OR56A4: variants seen among roughly 807,000 people sequenced by gnomAD.
OR56A4 encodes olfactory receptor family 56 subfamily A member 4, also known as olfactory receptor 56A4.
In OR56A4, 9 loss-of-function variants were observed where a neutral mutation model predicts 13.6. The observed-to-expected ratio is 0.66, with a 90% CI of 0.40 to 1.15. The LOEUF (loss-of-function observed/expected upper bound fraction) is 1.15, where lower values mean the gene tolerates loss of function less well. OR56A4 is among the 50% of genes most tolerant of loss of function. OR56A4 has a pLI of 0.01. For missense variants in OR56A4, 380 were observed against 375.9 expected, an observed-to-expected ratio of 1.01 and a Z score of -0.09; for synonymous variants, 167 against 153.9, an observed-to-expected ratio of 1.08 and a Z score of -0.63.
At position 6,002,384 on chromosome 11, in the gene OR56A4, A is replaced by G; in HGVS notation, c.609T>C (p.Phe203=). The G allele has an allele frequency of 6.2e-7, 1 of 1,614,242 alleles. No individual in the cohort carries two copies. The change falls in exon 3 of 3, where the codon TTT becomes TTC. Residue 203 remains phenylalanine, a synonymous_variant. Coordinates refer to ENST00000641156, the MANE Select transcript of OR56A4 (RefSeq NM_001005179.4). The part of the protein sequence containing the change: ...DDITFNQLYQ[F]VAGWTLLGSD... ...AGCCCAACAGAGTCCAGCCTGCCAC[A>G]AACTGGTAGAGCTGATTGAAAGTGA...
intron 2 of OR56A4, among the ~76,000 whole-genome samples, chr11:6,004,296 G>T (rs1848240491): frequency 6.6e-6 from 1 of 152,148 alleles, no homozygotes; most frequent in South Asian, 2.1e-4. Context: ...GGAGGTTGCA[G>T]TGAGCCGAGA....
Position 6,002,706 on chromosome 11 carries a change from C to G in OR56A4, c.287G>C (p.Ser96Thr). Residue 96 changes from serine (S) to threonine (T), a missense_variant, in exon 3 of 3, where the codon AGC (serine) becomes ACC (threonine). Transcript: ENST00000641156. ...CATCTGGAGGAAGCAGGCTGGGAAG[C>G]TGATCGACCTGAGGTCAAACCAGAA... ...AIFWFDLRSI[S>T]FPACFLQMFI... The G allele has an allele frequency of 6.2e-7, 1 of 1,614,208 alleles. No homozygotes were observed. The highest frequency in any genetic ancestry group is 8.5e-7 in the Non-Finnish European group (1 of 1,180,044).
chr11:6,005,524 T>A (rs916695362), intron 2 of OR56A4, among the ~76,000 whole-genome samples: 2 of 152,160 alleles, frequency 1.3e-5, no homozygotes, highest in Non-Finnish European at 2.9e-5. Flanking sequence ...TTGTAGGAAA[T>A]CACAGAATAT....
In OR56A4 at chr11:6,002,746, T is replaced by C. The variant is rs1848225547; in HGVS notation, c.247A>G (p.Lys83Glu). ...TCAAACCAGAAGATGGCCAGGACCT[T>C]GGGGATGACGGTGAGGCAGAGCACG... ...DIVLCLTVIPKVLAIFWFDLR... is the reference protein window; with the variant it reads ...DIVLCLTVIPEVLAIFWFDLR... Residue 83 changes from lysine (K) to glutamate (E), a missense_variant, in exon 3 of 3, where the codon AAG becomes GAG. Lys to Glu is a moderately conservative substitution (Grantham distance 56, BLOSUM62 1). Transcript: ENST00000641156. The C allele has an allele frequency of 6.2e-7, 1 of 1,613,934 alleles. No homozygotes were observed. Among genetic ancestry groups the C allele is most frequent in the African/African-American group, 1.3e-5 (1 of 74,886 alleles).
rs1848229143 is a variant in OR56A4 at position 6,002,972 on chromosome 11, G to A, written c.21C>T (p.Asp7=). The change falls in exon 3 of 3, where the codon GAC becomes GAT. Residue 7 remains aspartate (D), a synonymous_variant. Coordinates refer to ENST00000641156, the MANE Select transcript of OR56A4 (RefSeq NM_001005179.4). MASPSN[D]STAPVSEFLL... ...GGAATTCAGAGACTGGGGCAGTGGA[G>A]TCATTGCTGGGAGATGCCATGTAAA... 1.2e-6 allele frequency: 2 copies of A among 1,614,060 alleles called. No individual in the cohort carries two copies. Among genetic ancestry groups the A allele is most frequent in the South Asian group, 1.1e-5 (1 of 91,062 alleles).
chr11:6,006,802 A>G (rs1848262679), intron 1 of OR56A4, 116 bp downstream of exon 1: 1 of 152,230 alleles, frequency 6.6e-6, no homozygotes, highest in Non-Finnish European at 1.5e-5. Context: ...GTCATCTACT[A>G]CACTAGGCCT....
chr11:6,004,605 C>G (rs1409595876), intron 2 of OR56A4, among the ~76,000 whole-genome samples: 1 of 151,994 alleles, frequency 6.6e-6, no homozygotes, highest in Non-Finnish European at 1.5e-5. Flanking sequence ...AAAAATTTAC[C>G]CATTGTAGGG....
At position 6,001,856 on chromosome 11, in the gene OR56A4, T is replaced by A; in HGVS notation, c.*195A>T. 1.9e-6 allele frequency: 1 copy of A among 529,818 alleles called. No individual in the cohort carries two copies. Among genetic ancestry groups the A allele is most frequent in the Non-Finnish European group, 3.1e-6 (1 of 321,078 alleles). The allele number at this position is 529,818 out of a possible 1,614,324, so 32.8% of individuals were successfully genotyped here. A position where few individuals can be genotyped will look rare whatever the true frequency, so the allele number is the denominator to read the frequency against. ...AACCATAGAATCCAGAAAAGGGAGG[T>A]TTCCTTTCAAGCAACAGAAAACAAA... On this transcript the variant is annotated 3_prime_UTR_variant, in exon 3 of 3. Coordinates refer to ENST00000641156, the MANE Select transcript of OR56A4 (RefSeq NM_001005179.4).
rs140316974 is a variant in OR56A4 at position 6,002,158 on chromosome 11, G to A, written c.835C>T (p.Leu279Phe). Residue 279 changes from leucine (L) to phenylalanine (F), a missense_variant, in exon 3 of 3, where the codon CTC (leucine) becomes TTC (phenylalanine). Physicochemically the swap from Leu to Phe is conservative, Grantham distance 22 (BLOSUM62 0). Transcript: ENST00000641156. ...GGAATGAGGTGGTGCAGGATGTTGA[G>A]CAGGATGGGGACATCTGGAGGAATT... is the stretch of plus-strand genomic sequence containing the variant. Reference protein sequence around the residue: ...KRIPPDVPILLNILHHLIPPA... With the variant: ...KRIPPDVPILFNILHHLIPPA... 2.5e-6 allele frequency: 4 copies of A among 1,614,100 alleles called. No homozygotes were observed. In the African/African-American group the frequency reaches 5.3e-5, roughly 22 times the overall value.
rs78089258 is a variant in OR56A4, at chr11:6,002,104, C to T, written c.889G>A (p.Val297Met). Residue 297 changes from valine (V) to methionine (M), a missense_variant, in exon 3 of 3, where the codon GTG becomes ATG. Coordinates refer to ENST00000641156, the MANE Select transcript of OR56A4 (RefSeq NM_001005179.4). ...PPALNPIVYG[V>M]RTKEIKQGIQ... ...CCCTGCTTGATCTCCTTGGTTCTCA[C>T]ACCATAAACAATGGGGTTCAGAGCT... is the stretch of plus-strand genomic sequence containing the variant. 1 of 1,612,010 alleles carries T rather than the reference C, an allele frequency of 6.2e-7. No individual in the cohort carries two copies. Among genetic ancestry groups the T allele is most frequent in the African/African-American group, 1.3e-5 (1 of 74,882 alleles).
chr11:6,004,310 C>T (rs1018230779), intron 2 of OR56A4, among the ~76,000 whole-genome samples: 15 of 151,948 alleles, frequency 9.9e-5, no homozygotes, highest in Admixed American at 2.6e-4. Context: ...GCCGAGATCA[C>T]GCCACTGCAC....
At position 6,000,168 on chromosome 11, in the gene OR56A4, G is replaced by A. The variant is rs1285460625; in HGVS notation, c.*1883C>T. 6.6e-6 allele frequency: 1 copy of A among 152,212 alleles called. No homozygotes were observed. The highest frequency in any genetic ancestry group is 1.5e-5 in the Non-Finnish European group (1 of 68,044). The allele number at this position is 152,212 out of a possible 1,614,324, so 9.4% of individuals were successfully genotyped here. On this transcript the variant is annotated 3_prime_UTR_variant, in exon 3 of 3. Coordinates refer to ENST00000641156, the MANE Select transcript of OR56A4 (RefSeq NM_001005179.4). ...GCTATAAAGACACATGCACATGTAT[G>A]TTTATTGCGGCACCATTCACAATAG...
Position 6,002,711 on chromosome 11 carries a change from C to T in OR56A4, c.282G>A (p.Ser94=), listed in dbSNP as rs778916991. The T allele has an allele frequency of 1.4e-5, 23 of 1,614,102 alleles. No individual in the cohort carries two copies. The highest frequency in any genetic ancestry group is 1.7e-5 in the Admixed American group (1 of 60,010). The part of the protein sequence containing the change: ...VLAIFWFDLR[S]ISFPACFLQM... ...GGAGGAAGCAGGCTGGGAAGCTGAT[C>T]GACCTGAGGTCAAACCAGAAGATGG... The change falls in exon 3 of 3, where the codon TCG becomes TCA. Residue 94 remains serine (S), a synonymous_variant. Transcript: ENST00000641156.
rs370832414 is a variant in OR56A4 at position 6,002,744 on chromosome 11, C to T, written c.249G>A (p.Lys83=). The part of the protein sequence containing the change: ...DIVLCLTVIP[K]VLAIFWFDLR... Reference sequence around the variant, plus strand: ...GGTCAAACCAGAAGATGGCCAGGACCTTGGGGATGACGGTGAGGCAGAGCA... The same window carrying T: ...GGTCAAACCAGAAGATGGCCAGGACTTTGGGGATGACGGTGAGGCAGAGCA... Residue 83 remains lysine (K), a synonymous_variant, in exon 3 of 3, where the codon AAG becomes AAA. Transcript: ENST00000641156. The T allele has an allele frequency of 4.0e-5, 65 of 1,614,004 alleles. No individual in the cohort carries two copies. The highest frequency in any genetic ancestry group is 5.0e-5 in the Admixed American group (3 of 60,006).
rs764324245 is a variant in OR56A4 at position 6,003,124 on chromosome 11, A to G, written c.-36-96T>C. On this transcript the variant is annotated intron_variant, in intron 2 of 2. Transcript: ENST00000641156. ...CTGAGGCCCTGTATCTGTCCCAATA[A>G]AGTTTTTAAAATCACTGTCATCATC... is the stretch of plus-strand genomic sequence containing the variant. 2.5e-6 allele frequency: 4 copies of G among 1,577,950 alleles called. No homozygotes were observed. The Admixed American group carries it at 7.4e-5, about 29-fold the overall frequency.
At chr11:6,004,549 T>G (rs1848242929) in intron 2 of OR56A4, among the ~76,000 whole-genome samples, 1 of 152,226 alleles carries the variant, frequency 6.6e-6, no homozygotes, top group Non-Finnish European at 1.5e-5. Context: ...TCACCTTGAA[T>G]ATTCCAGACT....
chr11:6,000,547 G>A lies in OR56A4; in HGVS notation c.*1504C>T, dbSNP rs1848206731. 1 of 151,960 alleles carries A rather than the reference G, an allele frequency of 6.6e-6. No homozygotes were observed. The highest frequency in any genetic ancestry group is 1.5e-5 in the Non-Finnish European group (1 of 68,006). The allele number at this position is 151,960 out of a possible 1,614,324, so 9.4% of individuals were successfully genotyped here. A position where few individuals can be genotyped will look rare whatever the true frequency, so the allele number is the denominator to read the frequency against. ...GTTAATGGGTGCAGCACGCCAACATGGCACATGTATACATATGTAACAAAC... is the reference window on the plus strand; with the variant it reads ...GTTAATGGGTGCAGCACGCCAACATAGCACATGTATACATATGTAACAAAC... On this transcript the variant is annotated 3_prime_UTR_variant, in exon 3 of 3. Transcript: ENST00000641156.
At position 6,002,499 on chromosome 11, in the gene OR56A4, A is replaced by C; in HGVS notation, c.494T>G (p.Leu165Arg). The change falls in exon 3 of 3, where the codon CTT becomes CGT. Residue 165 changes from leucine to arginine, a missense_variant. Coordinates refer to ENST00000641156, the MANE Select transcript of OR56A4 (RefSeq NM_001005179.4). The part of the protein sequence containing the change: ...NAFVSLPVPM[L>R]SARLRYCAGN... ...TGCACAGTATCTGAGCCTGGCAGAA[A>C]GCATGGGAACAGGAAGAGAAACAAA... 6.8e-6 allele frequency: 11 copies of C among 1,614,256 alleles called. No individual in the cohort carries two copies. The highest frequency in any genetic ancestry group is 8.5e-6 in the Non-Finnish European group (10 of 1,180,040).
At chr11:6,004,302 C>T (rs890715059) in intron 2 of OR56A4, among the ~76,000 whole-genome samples, 3 of 151,862 alleles carry the variant, frequency 2.0e-5, no homozygotes, top group Non-Finnish European at 2.9e-5. Context: ...TGCAGTGAGC[C>T]GAGATCACGC....
Sources: allele counts gnomAD v4.1 joint callset (sites outside exome capture counted in the v4.1 genomes callset), GRCh38; gene constraint gnomAD v4.1.1; transcripts MANE v1.5; gene names NCBI Gene and HGNC (gene_info 2026-07-23, HGNC 2026-07-21).